Variants in LHX8 observed in about 807,000 individuals in gnomAD.
LHX8 encodes LIM/homeobox protein Lhx8.
In LHX8, 12 loss-of-function variants were observed where a neutral mutation model predicts 40.3. The ratio of observed to expected loss-of-function variants is 0.30; its 90% CI spans 0.19 to 0.48. The LOEUF is 0.48. LHX8 is among the 20% of genes least tolerant of loss of function. The probability of loss-of-function intolerance (pLI) is 0.99; values close to 1 mark genes in which losing one functional copy is unlikely to be tolerated. For synonymous variants in LHX8, 179 were observed against 162.0 expected (o/e 1.10, Z -0.80); for missense variants, 344 against 433.7 (o/e 0.79, Z 1.84).
chr1:75,163,485 GA>G (rs1312927499), downstream of LHX8, among the ~76,000 whole-genome samples: 1 of 152,120 alleles, frequency 6.6e-6, no homozygotes, highest in African/African-American at 2.4e-5. Context: ...ATTAGTGTAG[GA>G]AAAATTCTCA....
At chr1:75,181,217 T>C in the LHX8 span, among the ~76,000 whole-genome samples, 6 of 152,124 alleles carry the variant, frequency 3.9e-5, no homozygotes, top group Non-Finnish European at 8.8e-5. Flanking sequence ...TCAAATACCA[T>C]GCTGGGAGAA....
the LHX8 span, among the ~76,000 whole-genome samples, chr1:75,183,671 C>G: frequency 6.6e-6 from 1 of 152,178 alleles, no homozygotes; most frequent in Non-Finnish European, 1.5e-5. Context: ...AATACAAAAA[C>G]ACACTTAAGT....
upstream of LHX8, chr1:75,132,805 A>T (rs1648009282): frequency 6.6e-6 from 1 of 150,530 alleles, no homozygotes; most frequent in African/African-American, 2.4e-5. Context: ...TAAATATCCA[A>T]ACCGGACCTT....
the LHX8 span, among the ~76,000 whole-genome samples, chr1:75,170,929 A>G: frequency 9.5e-3 from 1,447 of 152,260 alleles, 21 homozygotes; most frequent in African/African-American, 0.024. Context: ...ACATTGCCGC[A>G]TGGTATATTA....
In LHX8 at chr1:75,136,560, T is replaced by A. The variant is rs763352994; in HGVS notation, c.-12-43T>A. ...TGGGGCGGGCAGCACGCTCGGAACT[T>A]CTGATCTGTTTCTCCATACTTTCTC... is the stretch of plus-strand genomic sequence containing the variant. On this transcript the variant is annotated intron_variant, in intron 1 of 8. Transcript: ENST00000356261. The A allele has an allele frequency of 1.2e-5, 17 of 1,415,888 alleles. No homozygotes were observed. In the South Asian group the frequency reaches 2.1e-4, roughly 17 times the overall value. 87.7% of individuals were successfully genotyped at this position (1,415,888 alleles called of 1,614,324 possible). A position where few individuals can be genotyped will look rare whatever the true frequency, so the allele number is the denominator to read the frequency against.
At chr1:75,184,398 A>C in the LHX8 span, among the ~76,000 whole-genome samples, 6 of 152,206 alleles carry the variant, frequency 3.9e-5, no homozygotes, top group Non-Finnish European at 5.9e-5. Flanking sequence ...AATAGGAAAA[A>C]ACTGAAATCA....
intron 6 of LHX8, among the ~76,000 whole-genome samples, chr1:75,148,080 T>C (rs1186839450): frequency 6.6e-6 from 1 of 152,196 alleles, no homozygotes; most frequent in Non-Finnish European, 1.5e-5. Flanking sequence ...ACCTTTTTTT[T>C]TGCATAGAGC....
intron 8 of LHX8, among the ~76,000 whole-genome samples, chr1:75,157,796 A>C (rs926419751): frequency 6.6e-6 from 1 of 152,196 alleles, no homozygotes; most frequent in Non-Finnish European, 1.5e-5. Context: ...AATATACCAC[A>C]ATTTATCCAT....
downstream of LHX8, chr1:75,161,550 G>A (rs1395766905): frequency 6.6e-6 from 1 of 152,112 alleles, no homozygotes; most frequent in East Asian, 1.9e-4. Flanking sequence ...TGTCCTTTTT[G>A]TGTGTTTTCA....
the LHX8 span, among the ~76,000 whole-genome samples, chr1:75,175,354 G>A: frequency 6.6e-6 from 1 of 152,172 alleles, no homozygotes; most frequent in Non-Finnish European, 1.5e-5. Flanking sequence ...AATGGTAGAT[G>A]TACTCTTAGT....
intron 7 of LHX8, among the ~76,000 whole-genome samples, chr1:75,156,126 G>A (rs1224705455): frequency 6.6e-6 from 1 of 152,066 alleles, no homozygotes; most frequent in African/African-American, 2.4e-5. Flanking sequence ...CTTTTCTGGG[G>A]AAGATGCTGT....
At chr1:75,182,872 A>C in the LHX8 span, among the ~76,000 whole-genome samples, 1 of 152,188 alleles carries the variant, frequency 6.6e-6, no homozygotes, top group African/African-American at 2.4e-5. Flanking sequence ...TTTCCTTTAA[A>C]CACGTTGGCT....
At chr1:75,144,909 A>G (rs1245844621) in intron 6 of LHX8, among the ~76,000 whole-genome samples, 2 of 152,158 alleles carry the variant, frequency 1.3e-5, no homozygotes, top group African/African-American at 4.8e-5. Flanking sequence ...AGTATTTAAG[A>G]TGGATACAAG....
At chr1:75,169,510 T>C in the LHX8 span, among the ~76,000 whole-genome samples, 4 of 152,034 alleles carry the variant, frequency 2.6e-5, no homozygotes, top group East Asian at 7.7e-4. Context: ...TGGAGGTGGG[T>C]GGGTGCTCTG....
intron 3 of LHX8, among the ~76,000 whole-genome samples, chr1:75,139,719 T>C (rs1648259950): frequency 6.6e-6 from 1 of 152,190 alleles, no homozygotes; most frequent in South Asian, 2.1e-4. Context: ...AGACCAAAAC[T>C]TTTTGAATGT....
intron 8 of LHX8, among the ~76,000 whole-genome samples, chr1:75,157,533 A>G (rs1241978235): frequency 1.3e-5 from 2 of 152,248 alleles, no homozygotes; most frequent in African/African-American, 4.8e-5. Context: ...GAATGTATCC[A>G]TATAGATATT....
intron 6 of LHX8, among the ~76,000 whole-genome samples, chr1:75,145,877 C>G (rs1648448085): frequency 6.6e-6 from 1 of 152,000 alleles, no homozygotes; most frequent in Non-Finnish European, 1.5e-5. Flanking sequence ...AATTGTATAT[C>G]AGAATTATAG....
chr1:75,191,182 G>A, the LHX8 span, among the ~76,000 whole-genome samples: 2 of 152,002 alleles, frequency 1.3e-5, no homozygotes, highest in Non-Finnish European at 2.9e-5. Flanking sequence ...ATTTTAAGCA[G>A]AAAAATTAAA....
chr1:75,137,369 G>A, intron 3 of LHX8, 108 bp downstream of exon 3: 2 of 1,186,242 alleles, frequency 1.7e-6, no homozygotes, highest in East Asian at 2.5e-5. Flanking sequence ...AGTTCTGGGT[G>A]AAGGTTGTAG....
Sources: allele counts gnomAD v4.1 joint callset (sites outside exome capture counted in the v4.1 genomes callset), GRCh38; gene constraint gnomAD v4.1.1; transcripts MANE v1.5; gene names NCBI Gene and HGNC (gene_info 2026-07-23, HGNC 2026-07-21).